GRM5: variants seen among roughly 807,000 people sequenced by gnomAD.
The protein encoded by GRM5 is metabotropic glutamate receptor 5.
In GRM5, 19 loss-of-function variants were observed where a neutral mutation model predicts 83.1. The ratio of observed to expected loss-of-function variants is 0.23; its 90% CI spans 0.16 to 0.34. The LOEUF is 0.34. GRM5 is among the 10% of genes least tolerant of loss of function. The pLI, the probability that GRM5 is intolerant of heterozygous loss-of-function variation, is 1.00. For missense variants in GRM5, 1,160 were observed against 1,588.3 expected, an observed-to-expected ratio of 0.73 and a Z score of 4.58; for synonymous variants, 675 against 633.6, an observed-to-expected ratio of 1.07 and a Z score of -0.98.
intron 3 of GRM5, among the ~76,000 whole-genome samples, chr11:88,738,305 G>C (rs982151732): frequency 1.2e-4 from 19 of 152,118 alleles, no homozygotes; most frequent in Non-Finnish European, 1.8e-4. Context: ...GAAAATCAAT[G>C]ATCAGAACCA....
chr11:88,508,781 A>T lies in GRM5; in HGVS notation c.3450T>A (p.Ala1150=). The part of the protein sequence containing the change: ...ARESPAAGPE[A]AAAKPDLEEL... ...CCTCCAGGTCTGGCTTGGCGGCCGC[A>T]GCCTCGGGACCGGCCGCGGGGCTCT... Residue 1150 remains alanine (A), a synonymous_variant, in exon 10 of 10, where the codon GCT becomes GCA. Coordinates refer to ENST00000305447, the MANE Select transcript of GRM5 (RefSeq NM_001143831.3). The surrounding 1 kb of genome is among the most constrained non-coding windows in gnomAD (Gnocchi z 4.2). 6.8e-7 allele frequency: 1 copy of T among 1,467,134 alleles called. No individual in the cohort carries two copies. The highest frequency in any genetic ancestry group is 1.4e-5 in the South Asian group (1 of 70,072). 90.9% of individuals were successfully genotyped at this position (1,467,134 alleles called of 1,614,324 possible).
At chr11:88,699,591 C>T (rs1402529417) in intron 3 of GRM5, among the ~76,000 whole-genome samples, 2 of 152,160 alleles carry the variant, frequency 1.3e-5, no homozygotes. Context: ...GGACAGCCTG[C>T]TTCGAATGAA....
intron 3 of GRM5, among the ~76,000 whole-genome samples, chr11:88,782,405 T>C (rs554975894): frequency 6.6e-6 from 1 of 152,176 alleles, no homozygotes; most frequent in Admixed American, 6.5e-5. Context: ...GCAGGGAAAC[T>C]CCCATTTTTA....
At chr11:88,701,481 GC>G (rs1354103450) in intron 3 of GRM5, among the ~76,000 whole-genome samples, 1 of 152,102 alleles carries the variant, frequency 6.6e-6, no homozygotes, top group Non-Finnish European at 1.5e-5. Flanking sequence ...AATAGCAACA[GC>G]TGAGGACTCA....
intron 2 of GRM5, among the ~76,000 whole-genome samples, chr11:88,893,879 G>C (rs1945187961): frequency 6.6e-6 from 1 of 151,984 alleles, no homozygotes; most frequent in South Asian, 2.1e-4. Context: ...GAATGATAGA[G>C]GAGTTAAGAA....
chr11:89,060,670 A>T (rs1026696432), intron 1 of GRM5, among the ~76,000 whole-genome samples: 3 of 152,116 alleles, frequency 2.0e-5, no homozygotes, highest in African/African-American at 7.2e-5. Context: ...TAGTTAAAAG[A>T]TGATTCAGAA....
rs562445888 is a variant in GRM5, at chr11:88,778,447, C to G, written c.911+71459G>C. Among the ~76,000 whole-genome samples, 9 of 152,354 alleles carry G rather than the reference C, an allele frequency of 5.9e-5. No individual in the cohort carries two copies. The East Asian group carries it at 1.7e-3, about 29-fold the overall frequency. On this transcript the variant is annotated intron_variant, in intron 3 of 9. Coordinates refer to ENST00000305447, the MANE Select transcript of GRM5 (RefSeq NM_001143831.3). ...GCCCCACCCTGCTTTGGCTCACCCT[C>G]TGTGGGCTGCACCCACTGTCCAACC...
chr11:88,979,580 C>A (rs763384557), intron 2 of GRM5, among the ~76,000 whole-genome samples: 3 of 152,060 alleles, frequency 2.0e-5, no homozygotes, highest in Non-Finnish European at 4.4e-5. Flanking sequence ...GTATACCATG[C>A]CATTTGCTTT....
chr11:88,785,026 C>T (rs772283721), intron 3 of GRM5, among the ~76,000 whole-genome samples: 3 of 152,098 alleles, frequency 2.0e-5, no homozygotes, highest in Non-Finnish European at 4.4e-5. Flanking sequence ...TTCAGTTTAG[C>T]ACACTATGTT....
At chr11:88,993,610 T>G (rs1940068418) in intron 2 of GRM5, among the ~76,000 whole-genome samples, 1 of 152,180 alleles carries the variant, frequency 6.6e-6, no homozygotes, top group Admixed American at 6.5e-5. Context: ...ACTGTTTCTG[T>G]GTAAAGGTAA....
At chr11:88,638,380 C>CT (rs1489503940) in intron 4 of GRM5, among the ~76,000 whole-genome samples, 2 of 151,912 alleles carry the variant, frequency 1.3e-5, no homozygotes, top group African/African-American at 2.4e-5. Flanking sequence ...CATCAGTGTT[C>CT]ATGAGGTCTA....
chr11:88,600,835 G>A (rs986897362), intron 5 of GRM5, among the ~76,000 whole-genome samples: 12 of 152,130 alleles, frequency 7.9e-5, no homozygotes, highest in African/African-American at 1.7e-4. Context: ...CTATAATTCC[G>A]ATGCTAAGGT....
intron 2 of GRM5, among the ~76,000 whole-genome samples, chr11:88,939,557 T>A (rs994885189): frequency 2.0e-5 from 3 of 151,842 alleles, no homozygotes; most frequent in Admixed American, 1.3e-4. Context: ...CTTTTAACGA[T>A]ATTTACCGGA....
At chr11:88,746,137 C>T (rs1942134992) in intron 3 of GRM5, among the ~76,000 whole-genome samples, 1 of 152,126 alleles carries the variant, frequency 6.6e-6, no homozygotes, top group Non-Finnish European at 1.5e-5. Flanking sequence ...CCCTTGGAAT[C>T]CCTCTGCTCC....
intron 2 of GRM5, among the ~76,000 whole-genome samples, chr11:88,884,158 G>T (rs1466461292): frequency 6.6e-6 from 1 of 151,368 alleles, no homozygotes; most frequent in African/African-American, 2.4e-5. Context: ...GCCAGCTCAT[G>T]ACAAGAGCTG....
intron 3 of GRM5, among the ~76,000 whole-genome samples, chr11:88,706,753 C>A (rs1256754408): frequency 6.6e-6 from 1 of 151,974 alleles, no homozygotes; most frequent in Non-Finnish European, 1.5e-5. Context: ...TGTACAAATT[C>A]TCCAAGATAT....
chr11:88,578,693 A>G (rs1221328645), intron 7 of GRM5, among the ~76,000 whole-genome samples: 2 of 152,164 alleles, frequency 1.3e-5, no homozygotes, highest in African/African-American at 4.8e-5. Flanking sequence ...TCTTGTAGGA[A>G]GAAAATTATT....
chr11:88,820,339 C>T (rs1383707709), intron 3 of GRM5, among the ~76,000 whole-genome samples: 1 of 133,772 alleles, frequency 7.5e-6, no homozygotes, highest in African/African-American at 3.0e-5. Flanking sequence ...GGCATCACAG[C>T]ACTCCAGCCT....
At chr11:88,988,082 A>T (rs1939799856) in intron 2 of GRM5, among the ~76,000 whole-genome samples, 1 of 149,388 alleles carries the variant, frequency 6.7e-6, no homozygotes, top group African/African-American at 2.5e-5. Flanking sequence ...AGGACATTCA[A>T]ACCAAAGGCA....
Sources: gnomAD v4.1 joint callset for allele counts (sites outside exome capture counted in the v4.1 genomes callset) on GRCh38, gnomAD v4.1.1 for gene constraint, Gnocchi (gnomAD v3.1) non-coding constraint, MANE v1.5 for transcripts, NCBI Gene and HGNC (gene_info 2026-07-23, HGNC 2026-07-21) for gene names.